The following CLVS1 variants were observed in gnomAD, a reference collection of about 807,000 sequenced individuals.
CLVS1 encodes clavesin-1.
A neutral mutation model predicts 33.1 loss-of-function variants in CLVS1; 10 were observed. The ratio of observed to expected loss-of-function variants is 0.30; its 90% CI spans 0.19 to 0.51. The LOEUF (loss-of-function observed/expected upper bound fraction) is 0.51. Among genes scored for constraint, CLVS1 ranks in the 20% least tolerant of loss-of-function variants. CLVS1 has a pLI of 0.97. For synonymous variants in CLVS1, 163 were observed against 166.1 expected (o/e 0.98, Z 0.14); for missense variants, 343 against 433.4 (o/e 0.79, Z 1.85).
At chr8:61,073,624 C>T (rs1238408758) in intron 1 of CLVS1, among the ~76,000 whole-genome samples, 2 of 151,946 alleles carry the variant, frequency 1.3e-5, no homozygotes, top group African/African-American at 4.8e-5. Context: ...TTTATTATAA[C>T]TTAAATAATA....
chr8:61,165,258 G>T (rs4551348), intron 2 of CLVS1, among the ~76,000 whole-genome samples: 116,213 of 152,128 alleles, frequency 0.76, 45,486 homozygotes, highest in Middle Eastern at 0.93. Context: ...AAAACAGCAG[G>T]GGTGGACCAC....
At chr8:61,055,834 C>T (rs1287555473), upstream of CLVS1, among the ~76,000 whole-genome samples, 1 of 152,230 alleles carries the variant, frequency 6.6e-6, no homozygotes, top group Non-Finnish European at 1.5e-5. Flanking sequence ...ATGTATCTTG[C>T]CCGTGTAACT....
the CLVS1 span, among the ~76,000 whole-genome samples, chr8:60,969,776 C>A: frequency 5.3e-5 from 8 of 151,668 alleles, no homozygotes; most frequent in African/African-American, 1.5e-4. Context: ...AACCTAGGAT[C>A]AAAAATATTC....
the CLVS1 span, among the ~76,000 whole-genome samples, chr8:60,967,403 C>T: frequency 6.6e-6 from 1 of 152,172 alleles, no homozygotes; most frequent in Non-Finnish European, 1.5e-5. Flanking sequence ...AGAAGCTCTG[C>T]ACTGGGCGGT....
intron 1 of CLVS1, among the ~76,000 whole-genome samples, chr8:61,086,933 G>A (rs1263621275): frequency 2.0e-5 from 3 of 152,190 alleles, no homozygotes; most frequent in Non-Finnish European, 4.4e-5. Flanking sequence ...GTCAAAAGTT[G>A]TTGCGTACTC....
chr8:61,051,796 G>T, the CLVS1 span, among the ~76,000 whole-genome samples: 2 of 152,250 alleles, frequency 1.3e-5, no homozygotes, highest in Non-Finnish European at 2.9e-5. Flanking sequence ...CCCAACTGAG[G>T]ACAGTGGCCA....
the CLVS1 span, among the ~76,000 whole-genome samples, chr8:60,987,547 T>G: frequency 6.6e-6 from 1 of 152,184 alleles, no homozygotes; most frequent in Non-Finnish European, 1.5e-5. Context: ...TACTTTCTGC[T>G]TGGGCCTGCT....
chr8:61,106,692 G>A (rs1805545115), intron 1 of CLVS1, among the ~76,000 whole-genome samples: 1 of 152,178 alleles, frequency 6.6e-6, no homozygotes, highest in African/African-American at 2.4e-5. Flanking sequence ...AACCCACGGA[G>A]ATGCCTGGAT....
intron 5 of CLVS1, among the ~76,000 whole-genome samples, chr8:61,461,115 A>C (rs1817350873): frequency 6.6e-6 from 1 of 152,244 alleles, no homozygotes; most frequent in Non-Finnish European, 1.5e-5. Context: ...TCCATGAACA[A>C]GATAAATTAG....
At chr8:61,116,559 A>G (rs1178788371) in intron 1 of CLVS1, among the ~76,000 whole-genome samples, 2 of 152,186 alleles carry the variant, frequency 1.3e-5, no homozygotes, top group African/African-American at 2.4e-5. Context: ...AAGGTGTAAC[A>G]AAGGGATCCA....
At chr8:61,308,981 A>C (rs1310258880) in intron 2 of CLVS1, among the ~76,000 whole-genome samples, 1 of 152,220 alleles carries the variant, frequency 6.6e-6, no homozygotes, top group Non-Finnish European at 1.5e-5. Flanking sequence ...AAAGTAGCCC[A>C]AGGGTCTAAA....
At chr8:61,366,406 C>G (rs1024273576) in intron 2 of CLVS1, among the ~76,000 whole-genome samples, 1 of 152,228 alleles carries the variant, frequency 6.6e-6, no homozygotes, top group Non-Finnish European at 1.5e-5. Flanking sequence ...TATGTGAATG[C>G]AGGCATGGCC....
In CLVS1 at chr8:61,253,629, A is replaced by AT. The variant is rs201230164; in HGVS notation, c.-151-46042dup. 2.2e-3 allele frequency among the ~76,000 whole-genome samples: 328 copies of AT among 151,844 alleles called. 1 individual carries two copies. Among genetic ancestry groups the AT allele is most frequent in the African/African-American group, 6.9e-3 (285 of 41,412 alleles). Reference sequence around the variant, plus strand: ...GAGGCTTTGTTCATTTCTTTTTATTATTTTTTCTCTAAACTTCTCTTCTTG... The same window carrying AT: ...GAGGCTTTGTTCATTTCTTTTTATTATTTTTTTCTCTAAACTTCTCTTCTTG... On this transcript the variant is annotated intron_variant, in intron 2 of 2. Transcript: ENST00000522621.
chr8:61,273,025 C>T (rs1214762187), intron 2 of CLVS1, among the ~76,000 whole-genome samples: 4 of 150,912 alleles, frequency 2.7e-5, no homozygotes, highest in Non-Finnish European at 4.4e-5. Flanking sequence ...AGCTTTGTTC[C>T]GTTGCTGGTG....
intron 2 of CLVS1, among the ~76,000 whole-genome samples, chr8:61,278,307 T>C (rs567354466): frequency 6.6e-6 from 1 of 152,342 alleles, no homozygotes; most frequent in African/African-American, 2.4e-5. Flanking sequence ...AATACTCCAG[T>C]AAGCTAAGGA....
intron 2 of CLVS1, among the ~76,000 whole-genome samples, chr8:61,191,224 T>C (rs928237263): frequency 6.6e-6 from 1 of 152,070 alleles, no homozygotes; most frequent in Admixed American, 6.6e-5. Context: ...GTTCAACATA[T>C]GCAAATCAAT....
At chr8:61,139,710 G>C (rs1213709665) in intron 2 of CLVS1, among the ~76,000 whole-genome samples, 2 of 152,144 alleles carry the variant, frequency 1.3e-5, no homozygotes, top group Non-Finnish European at 2.9e-5. Context: ...GCTTCCCCTC[G>C]GTGGTCGGGG....
At chr8:61,232,315 C>T (rs1414743988) in intron 2 of CLVS1, among the ~76,000 whole-genome samples, 7 of 152,040 alleles carry the variant, frequency 4.6e-5, no homozygotes, top group Non-Finnish European at 8.8e-5. Context: ...GTATTACAGG[C>T]GTGAGCCACC....
chr8:61,385,272 A>T (rs1269065771), intron 3 of CLVS1, among the ~76,000 whole-genome samples: 1 of 152,184 alleles, frequency 6.6e-6, no homozygotes, highest in African/African-American at 2.4e-5. Context: ...CAAAGAAGAG[A>T]TCTCTGCCTC....
Sources: gnomAD v4.1 joint callset for allele counts (sites outside exome capture counted in the v4.1 genomes callset) on GRCh38, gnomAD v4.1.1 for gene constraint, MANE v1.5 for transcripts, NCBI Gene and HGNC (gene_info 2026-07-23, HGNC 2026-07-21) for gene names.